MBIP: variants seen among roughly 807,000 people sequenced by gnomAD.
MBIP encodes the protein MAP3K12-binding inhibitory protein 1.
A neutral mutation model predicts 45.7 loss-of-function variants in MBIP; 32 were observed. The observed-to-expected ratio is 0.70, with a 90% CI of 0.53 to 0.94. The LOEUF is 0.94. Ranked by LOEUF, MBIP falls within the 40% of genes least tolerant of loss-of-function variation. The pLI, the probability that MBIP is intolerant of heterozygous loss-of-function variation, is 0.00. For synonymous variants in MBIP, 145 were observed against 141.0 expected (o/e 1.03, Z -0.20); for missense variants, 381 against 405.5 (o/e 0.94, Z 0.52).
At chr14:36,313,821 T>C (rs1880362688) in intron 4 of MBIP, 1 of 152,132 alleles carries the variant, frequency 6.6e-6, no homozygotes, top group Admixed American at 6.6e-5. Context: ...CTCTTCTCCA[T>C]AATTTTTCCT....
intron 4 of MBIP, 110 bp from the exon 5 acceptor site, chr14:36,312,134 TAATA>T (rs1284832015): frequency 4.5e-5 from 24 of 532,610 alleles, no homozygotes; most frequent in African/African-American, 5.9e-5. Context: ...ATAATAATTT[TAATA>T]AATAATAGTA....
At position 36,314,522 on chromosome 14, in the gene MBIP, A is replaced by G. The variant is rs756790056; in HGVS notation, c.561T>C (p.Asp187=). The change falls in exon 4 of 9, where the codon GAT becomes GAC. Residue 187 remains aspartate (D), a synonymous_variant. Coordinates refer to ENST00000416007, the MANE Select transcript of MBIP (RefSeq NM_016586.3). ...TTTCCAGGTAGTTACCTTGATTACA[A>G]TCAATAACATTGCAAAATTCCCTGA... ...NNVREFCNVI[D]CNQENSCART... is the part of the protein sequence containing the mutation. 9 of 1,606,750 alleles carry G rather than the reference A, an allele frequency of 5.6e-6. No individual in the cohort carries two copies. Among genetic ancestry groups the G allele is most frequent in the Non-Finnish European group, 6.8e-6 (8 of 1,176,596 alleles).
rs1311949220 is a variant in MBIP at position 36,299,092 on chromosome 14, G to A, written c.1026C>T (p.His342=). 1 of 1,613,286 alleles carries A rather than the reference G, an allele frequency of 6.2e-7. No individual in the cohort carries two copies. The highest frequency in any genetic ancestry group is 1.1e-5 in the South Asian group (1 of 91,058). ...SREAESMATH[H]LP is the part of the protein sequence containing the mutation. ...GGATGAGAGGAGTTTTTCATGGAAG[G>A]TGGTGGGTTGCCATGGATTCTGCTT... The change falls in exon 9 of 9, where the codon CAC becomes CAT. Residue 342 remains histidine (H), a synonymous_variant. Coordinates refer to ENST00000416007, the MANE Select transcript of MBIP (RefSeq NM_016586.3).
At chr14:36,320,107 A>G (rs1215168973) in intron 1 of MBIP, among the ~76,000 whole-genome samples, 1 of 152,024 alleles carries the variant, frequency 6.6e-6, no homozygotes, top group Non-Finnish European at 1.5e-5. Context: ...TCCCATAAAG[A>G]GTAAGTTGGA....
intron 7 of MBIP, among the ~76,000 whole-genome samples, chr14:36,306,844 C>T (rs1171685662): frequency 1.3e-5 from 2 of 152,144 alleles, no homozygotes; most frequent in Non-Finnish European, 2.9e-5. Context: ...CCTAGGAAGA[C>T]ATTCAAAGAA....
chr14:36,305,761 G>GT (rs1879831561), intron 7 of MBIP, among the ~76,000 whole-genome samples: 1 of 152,090 alleles, frequency 6.6e-6, no homozygotes, highest in South Asian at 2.1e-4. Flanking sequence ...TCCCACAAAA[G>GT]TATCTCTCTC....
intron 1 of MBIP, among the ~76,000 whole-genome samples, chr14:36,318,107 A>G (rs3805353): frequency 0.81 from 123,654 of 151,994 alleles, 53,679 homozygotes; most frequent in East Asian, 0.96. Context: ...TTTAATTCCT[A>G]TAAAGATTTT....
At chr14:36,319,484 T>C (rs1466492393) in intron 1 of MBIP, 1 of 337,412 alleles carries the variant, frequency 3.0e-6, no homozygotes, top group Non-Finnish European at 5.8e-6. Flanking sequence ...CTACGATTTT[T>C]AAAAATAGTA....
intron 7 of MBIP, among the ~76,000 whole-genome samples, chr14:36,304,756 GATTAC>G (rs1879771985): frequency 6.6e-6 from 1 of 152,126 alleles, no homozygotes; most frequent in African/African-American, 2.4e-5. Flanking sequence ...TACATAATCT[GATTAC>G]ATTTTATAAA....
At position 36,320,564 on chromosome 14, in the gene MBIP, G is replaced by A. The variant is rs771023422; in HGVS notation, c.25C>T (p.Arg9Cys). The change falls in exon 1 of 9, where the codon CGC (arginine) becomes TGC (cysteine). Residue 9 changes from arginine (R) to cysteine (C), a missense_variant. Transcript: ENST00000416007. MAAATELNRPSSGDRNLER... is the reference protein window; with the variant it reads MAAATELNCPSSGDRNLER... Reference sequence around the variant, plus strand: ...AGGTTCCTGTCACCGCTGCTCGGGCGATTAAGCTCCGTGGCAGCAGCCATG... The same window carrying A: ...AGGTTCCTGTCACCGCTGCTCGGGCAATTAAGCTCCGTGGCAGCAGCCATG... 58 of 1,612,784 alleles carry A rather than the reference G, an allele frequency of 3.6e-5. No individual in the cohort carries two copies. Among genetic ancestry groups the A allele is most frequent in the Non-Finnish European group, 4.8e-5 (57 of 1,179,380 alleles).
chr14:36,314,894 A>G lies in MBIP; in HGVS notation c.271T>C (p.Ser91Pro), dbSNP rs1430969261. 6.2e-7 allele frequency: 1 copy of G among 1,612,960 alleles called. No individual in the cohort carries two copies. The highest frequency in any genetic ancestry group is 8.5e-7 in the Non-Finnish European group (1 of 1,179,310). The part of the protein sequence containing the change: ...YLQPFLAKLQ[S>P]PIKEENTTAV... Reference sequence around the variant, plus strand: ...GTTGTATTCTCCTCTTTAATCGGAGACTGAAGTTTTGCTAAAAAAGGCTGA... The same window carrying G: ...GTTGTATTCTCCTCTTTAATCGGAGGCTGAAGTTTTGCTAAAAAAGGCTGA... The change falls in exon 3 of 9, where the codon TCT becomes CCT. Residue 91 changes from serine (S) to proline (P), a missense_variant. Ser to Pro is a moderately conservative substitution (Grantham distance 74, BLOSUM62 -1). Transcript: ENST00000416007.
Position 36,311,608 on chromosome 14 carries a change from A to T in MBIP, c.755T>A (p.Leu252Gln), listed in dbSNP as rs1880210836. ...CCGCAAGTGGGCCTCAATATTTTGT[A>T]GTCGTTCTTCTACAGCCTGATTACC... is the stretch of plus-strand genomic sequence containing the variant. ...DCGNQAVEERLQNIEAHLRLQ... is the reference protein window; with the variant it reads ...DCGNQAVEERQQNIEAHLRLQ... Residue 252 changes from leucine to glutamine, a missense_variant, in exon 6 of 9, where the codon CTA (leucine) becomes CAA (glutamine). By Grantham distance (113) the Leu-to-Gln change is moderately radical. Transcript: ENST00000416007. 1 of 1,612,872 alleles carries T rather than the reference A, an allele frequency of 6.2e-7. No homozygotes were observed. Among genetic ancestry groups the T allele is most frequent in the African/African-American group, 1.3e-5 (1 of 74,860 alleles).
chr14:36,311,710 T>C lies in MBIP; in HGVS notation c.653A>G (p.Asn218Ser), dbSNP rs752283509. 21 of 1,602,374 alleles carry C rather than the reference T, an allele frequency of 1.3e-5. No homozygotes were observed. Among genetic ancestry groups the C allele is most frequent in the African/African-American group, 5.4e-5 (4 of 74,236 alleles). Reference sequence around the variant, plus strand: ...AGGTCTAGTCTGTGGTCCGTATGTATTCACAACTCTAGAAACTAAATTAAG... The same window carrying C: ...AGGTCTAGTCTGTGGTCCGTATGTACTCACAACTCTAGAAACTAAATTAAG... ...KSHVKVSRVVNTYGPQTRPEG... is the reference protein window; with the variant it reads ...KSHVKVSRVVSTYGPQTRPEG... Residue 218 changes from asparagine to serine, a missense_variant, in exon 6 of 9, where the codon AAT becomes AGT. Transcript: ENST00000416007.
chr14:36,301,602 GTTT>G (rs5807862), intron 7 of MBIP, among the ~76,000 whole-genome samples: 1 of 151,848 alleles, frequency 6.6e-6, no homozygotes, highest in Admixed American at 6.6e-5. Flanking sequence ...AAAGAAACCT[GTTT>G]TCTCACAATT....
intron 7 of MBIP, among the ~76,000 whole-genome samples, chr14:36,303,041 A>G (rs1879667357): frequency 6.6e-6 from 1 of 152,220 alleles, no homozygotes; most frequent in East Asian, 1.9e-4. Context: ...TGTGCTGCCA[A>G]GGGACTTTCC....
chr14:36,308,231 T>C lies in MBIP; in HGVS notation c.791-42A>G. On this transcript the variant is annotated intron_variant, in intron 6 of 8. Coordinates refer to ENST00000416007, the MANE Select transcript of MBIP (RefSeq NM_016586.3). ...AAAATCTGAGATACTATTGAATAAT[T>C]CTTTCTTTTCACAATTTTTATTCTT... 6.2e-6 allele frequency: 6 copies of C among 962,646 alleles called. 1 individual carries two copies. Among genetic ancestry groups the C allele is most frequent in the South Asian group, 4.4e-5 (3 of 67,546 alleles). The allele number at this position is 962,646 out of a possible 1,614,324, so 59.6% of individuals were successfully genotyped here. A position where few individuals can be genotyped will look rare whatever the true frequency, so the allele number is the denominator to read the frequency against.
intron 4 of MBIP, chr14:36,314,256 A>C (rs1003943297): frequency 5.5e-6 from 2 of 365,154 alleles, no homozygotes; most frequent in Non-Finnish European, 9.8e-6. Flanking sequence ...TCCTAAAGGA[A>C]CTTTAAAATA....
At chr14:36,309,863 T>C (rs1370153167) in intron 6 of MBIP, among the ~76,000 whole-genome samples, 1 of 152,200 alleles carries the variant, frequency 6.6e-6, no homozygotes, top group Non-Finnish European at 1.5e-5. Context: ...CTCAAACTCC[T>C]GGACTCAAGC....
chr14:36,315,675 G>A (rs745690916), intron 2 of MBIP, among the ~76,000 whole-genome samples: 5 of 151,842 alleles, frequency 3.3e-5, no homozygotes, highest in Non-Finnish European at 5.9e-5. Flanking sequence ...TCCCCACAAT[G>A]AGGTCTCATT....
Sources: gnomAD v4.1 joint callset for allele counts (sites outside exome capture counted in the v4.1 genomes callset) on GRCh38, gnomAD v4.1.1 for gene constraint, MANE v1.5 for transcripts, NCBI Gene and HGNC (gene_info 2026-07-23, HGNC 2026-07-21) for gene names.